PPIL2: variants seen among roughly 807,000 people sequenced by gnomAD.
PPIL2 encodes the protein peptidylprolyl isomerase like 2, also known as RING-type E3 ubiquitin-protein ligase PPIL2.
PPIL2 carries 50 observed loss-of-function variants against 75.2 expected under a neutral mutation model. The ratio of observed to expected loss-of-function variants is 0.66; its 90% CI spans 0.53 to 0.84. The LOEUF is 0.84. Ranked by LOEUF, PPIL2 falls within the 40% of genes least tolerant of loss-of-function variation. The pLI, the probability that PPIL2 is intolerant of heterozygous loss-of-function variation, is 0.00. For missense variants in PPIL2, 590 were observed against 685.0 expected (o/e 0.86, Z 1.55); for synonymous variants, 245 against 258.8 (o/e 0.95, Z 0.51).
chr22:21,670,354 G>A, intron 2 of PPIL2: 1 of 1,509,940 alleles, frequency 6.6e-7, no homozygotes, highest in Non-Finnish European at 8.8e-7. Context: ...TTTAATGGAA[G>A]TAAAAAGTAT....
rs944361684 is a variant in PPIL2 at position 21,684,812 on chromosome 22, C to T, written c.613C>T (p.Arg205Ter). 14 of 1,614,030 alleles carry T rather than the reference C, an allele frequency of 8.7e-6. No homozygotes were observed. Among genetic ancestry groups the T allele is most frequent in the Middle Eastern group, 1.6e-4 (1 of 6,082 alleles). Reference sequence around the variant, plus strand: ...TCTGAAAAATACAAATGCCGAGACCCGAGAGACCCTGCAGGAGCTCTACAA... The same window carrying T: ...TCTGAAAAATACAAATGCCGAGACCTGAGAGACCCTGCAGGAGCTCTACAA... The part of the protein sequence containing the change: ...YYLKNTNAET[R>*]ETLQELYKEF... The change falls in exon 10 of 20, where the codon CGA becomes TGA. Residue 205 changes from arginine (R) to a stop codon, truncating the protein, a stop_gained. Transcript: ENST00000398831. LOFTEE classifies it high-confidence loss of function.
intron 15 of PPIL2, among the ~76,000 whole-genome samples, chr22:21,692,365 A>C (rs565665744): frequency 3.8e-4 from 57 of 151,390 alleles, no homozygotes; most frequent in Admixed American, 2.0e-3. Context: ...CGTGTTAGCG[A>C]GGATGGTCTC....
intron 1 of PPIL2, among the ~76,000 whole-genome samples, chr22:21,669,145 G>A (rs1445862200): frequency 6.6e-6 from 1 of 151,820 alleles, no homozygotes; most frequent in African/African-American, 2.4e-5. Context: ...CACCTTGCCC[G>A]GCCGGTTTTT....
intron 18 of PPIL2, 31 bp from the exon 19 acceptor site, chr22:21,694,906 G>A: frequency 6.2e-7 from 1 of 1,608,500 alleles, no homozygotes; most frequent in African/African-American, 1.3e-5. Flanking sequence ...CCGAGGTGCT[G>A]CCGGTTAGCC....
intron 6 of PPIL2, among the ~76,000 whole-genome samples, chr22:21,676,226 C>T (rs1351211170): frequency 6.8e-6 from 1 of 146,446 alleles, no homozygotes; most frequent in Non-Finnish European, 1.5e-5. Flanking sequence ...TGGGCTGCCT[C>T]CCCTCCTGTG....
intron 6 of PPIL2, among the ~76,000 whole-genome samples, chr22:21,677,445 G>A (rs1012383363): frequency 5.3e-5 from 8 of 152,254 alleles, no homozygotes; most frequent in African/African-American, 1.7e-4. Context: ...CTGCAATCCC[G>A]GCACCTCGGG....
chr22:21,695,807 A>C lies in PPIL2; in HGVS notation c.*317A>C. 31 of 1,197,082 alleles carry C rather than the reference A, an allele frequency of 2.6e-5. No individual in the cohort carries two copies. Among genetic ancestry groups the C allele is most frequent in the Non-Finnish European group, 3.3e-5 (31 of 953,658 alleles). The allele number at this position is 1,197,082 out of a possible 1,614,324, so 74.2% of individuals were successfully genotyped here. On this transcript the variant is annotated 3_prime_UTR_variant, in exon 20 of 20. Transcript: ENST00000398831. ...AGTAGGCAGGCCAGGTTAGTGAGGA[A>C]GGACTGTGTCTCCAGATTGTGGTTT...
Position 21,696,940 on chromosome 22 carries a change from A to G in PPIL2, c.*1450A>G. 41 of 1,583,036 alleles carry G rather than the reference A, an allele frequency of 2.6e-5. No individual in the cohort carries two copies. The highest frequency in any genetic ancestry group is 3.3e-5 in the Non-Finnish European group (39 of 1,165,084). ...CCCCTCGTCACCCTGCTGCACACCA[A>G]TCTGTGGCCCTTCATCATGCTAAGA... is the stretch of plus-strand genomic sequence containing the variant. On this transcript the variant is annotated 3_prime_UTR_variant, in exon 20 of 20. Transcript: ENST00000398831.
chr22:21,691,001 G>A (rs1490483020), intron 15 of PPIL2, among the ~76,000 whole-genome samples: 1 of 96,436 alleles, frequency 1.0e-5, no homozygotes, highest in African/African-American at 4.1e-5. Flanking sequence ...TTTCACTCTT[G>A]TCACCCAGGC....
chr22:21,681,279 T>C lies in PPIL2; in HGVS notation c.296-20T>C, dbSNP rs1247689832. On this transcript the variant is annotated intron_variant, in intron 6 of 19. Transcript: ENST00000398831. The stretch of plus-strand genomic sequence containing the variant: ...AGCCCACAGAGGTGACTGGCCTCCC[T>C]GTGTGTGCCTTCTCTCTAGGGAAGT... 1.9e-6 allele frequency: 3 copies of C among 1,590,794 alleles called. No individual in the cohort carries two copies. Among genetic ancestry groups the C allele is most frequent in the Non-Finnish European group, 2.6e-6 (3 of 1,158,868 alleles).
intron 9 of PPIL2, among the ~76,000 whole-genome samples, chr22:21,684,454 C>CAAAAAAAAAAAAAAAAAAAAAAAAA (rs1028354500): frequency 2.1e-5 from 1 of 47,550 alleles, no homozygotes; most frequent in Non-Finnish European, 3.7e-5. Context: ...TCCATCTCCA[C>CAAAAAAAAAAAAAAAAAAAAAAAAA]AAAAAAAAAA....
At chr22:21,687,845 T>C in intron 13 of PPIL2, 113 bp downstream of exon 13, 1 of 1,143,248 alleles carries the variant, frequency 8.7e-7, no homozygotes, top group Non-Finnish European at 1.3e-6. Flanking sequence ...GTGGCCAGGA[T>C]GAGTCCAGTT....
rs1391318526 is a variant in PPIL2 at position 21,675,023 on chromosome 22, A to G, written c.244-41A>G. On this transcript the variant is annotated intron_variant, in intron 5 of 19. Coordinates refer to ENST00000398831, the MANE Select transcript of PPIL2 (RefSeq NM_014337.4). ...ACCCTAGCATCTCTGTGCATCAGTT[A>G]CTTATTCATTATCATTAATTATTAA... 2.0e-6 allele frequency: 3 copies of G among 1,537,228 alleles called. No homozygotes were observed. In the East Asian group the frequency reaches 6.7e-5, roughly 35 times the overall value.
chr22:21,690,234 A>G (rs2067561971), intron 15 of PPIL2, among the ~76,000 whole-genome samples: 1 of 152,122 alleles, frequency 6.6e-6, no homozygotes, highest in African/African-American at 2.4e-5. Flanking sequence ...AATAAAAAAA[A>G]TTAGCGGGGC....
intron 10 of PPIL2, 72 bp from the exon 11 acceptor site, chr22:21,686,411 A>G: frequency 6.9e-7 from 1 of 1,444,320 alleles, no homozygotes; most frequent in East Asian, 2.3e-5. Context: ...GTTGGCTTCT[A>G]GGCAAGCGAC....
intron 6 of PPIL2, among the ~76,000 whole-genome samples, chr22:21,676,309 T>TTGTG (rs61112126): frequency 0.32 from 39,474 of 122,644 alleles, 6,430 homozygotes; most frequent in East Asian, 0.41. Flanking sequence ...TTTATTTATT[T>TTGTG]TGTGTGTGTG....
chr22:21,693,454 G>C (rs1310362018), intron 15 of PPIL2, among the ~76,000 whole-genome samples: 3 of 152,222 alleles, frequency 2.0e-5, no homozygotes, highest in Non-Finnish European at 4.4e-5. Context: ...TCCTTCAACA[G>C]GTCCCTTGAT....
intron 1 of PPIL2, among the ~76,000 whole-genome samples, chr22:21,667,680 C>T (rs928616822): frequency 4.7e-4 from 72 of 152,014 alleles, no homozygotes; most frequent in African/African-American, 1.7e-3. Flanking sequence ...TATAATTTCC[C>T]AGTCATCTAT....
At chr22:21,683,686 C>T (rs1047457073) in intron 9 of PPIL2, among the ~76,000 whole-genome samples, 4 of 152,092 alleles carry the variant, frequency 2.6e-5, no homozygotes, top group Admixed American at 2.0e-4. Flanking sequence ...AGGCTGAGCA[C>T]GTGAACTGGG....
Sources: allele counts gnomAD v4.1 joint callset (sites outside exome capture counted in the v4.1 genomes callset), GRCh38; gene constraint gnomAD v4.1.1; transcripts MANE v1.5; gene names NCBI Gene and HGNC (gene_info 2026-07-23, HGNC 2026-07-21).